Variants in TULP4 observed in about 807,000 individuals in gnomAD.
The protein encoded by TULP4 is TUB like protein 4.
A neutral mutation model predicts 129.0 loss-of-function variants in TULP4; 16 were observed. The observed-to-expected ratio is 0.12, with a 90% CI of 0.08 to 0.19. The LOEUF is 0.19. Among genes scored for constraint, TULP4 ranks in the 10% least tolerant of loss-of-function variants. TULP4 has a pLI of 1.00. For synonymous variants in TULP4, 998 were observed against 854.0 expected, an observed-to-expected ratio of 1.17 and a Z score of -2.94; for missense variants, 1,842 against 2,059.1, an observed-to-expected ratio of 0.89 and a Z score of 2.04.
intron 1 of TULP4, among the ~76,000 whole-genome samples, chr6:158,289,830 C>A (rs986482516): frequency 6.6e-6 from 1 of 152,028 alleles, no homozygotes; most frequent in South Asian, 2.1e-4. Context: ...GTCCTCCCAC[C>A]CTGGCCTCCT....
chr6:158,311,315 C>T (rs1351309670), upstream of TULP4, among the ~76,000 whole-genome samples: 1 of 152,098 alleles, frequency 6.6e-6, no homozygotes. Flanking sequence ...CTGAGAGAGT[C>T]TGCTGAATTT....
intron 1 of TULP4, chr6:158,242,359 C>T (rs1777938838): frequency 6.6e-7 from 1 of 1,515,738 alleles, no homozygotes; most frequent in Middle Eastern, 2.2e-4. Context: ...CTTTGAGCTG[C>T]AACAACTGCT....
chr6:158,376,002 C>A (rs2114895526), intron 1 of TULP4, among the ~76,000 whole-genome samples: 1 of 152,270 alleles, frequency 6.6e-6, no homozygotes, highest in South Asian at 2.1e-4. Flanking sequence ...GATTTCAGGT[C>A]AGGGAAGAGC....
chr6:158,446,134 G>C (rs1779032115), intron 3 of TULP4, among the ~76,000 whole-genome samples: 1 of 152,156 alleles, frequency 6.6e-6, no homozygotes, highest in Admixed American at 6.5e-5. Flanking sequence ...GCTCACATAA[G>C]CTTTATCCCA....
chr6:158,379,758 G>A (rs1777281887), intron 1 of TULP4, among the ~76,000 whole-genome samples: 1 of 152,186 alleles, frequency 6.6e-6, no homozygotes, highest in African/African-American at 2.4e-5. Context: ...AGGGGGACCT[G>A]GGAGACCCTA....
intron 1 of TULP4, among the ~76,000 whole-genome samples, chr6:158,405,798 A>G (rs1777966503): frequency 6.6e-6 from 1 of 152,158 alleles, no homozygotes; most frequent in African/African-American, 2.4e-5. Flanking sequence ...TGTTCCAAGA[A>G]TCTTTTACAT....
At chr6:158,379,551 G>A (rs553067285) in intron 1 of TULP4, among the ~76,000 whole-genome samples, 1 of 152,318 alleles carries the variant, frequency 6.6e-6, no homozygotes, top group East Asian at 1.9e-4. Context: ...GGGAGTGGGA[G>A]CTAGTTTCTA....
At chr6:158,455,467 T>G (rs893843715) in intron 5 of TULP4, among the ~76,000 whole-genome samples, 2 of 151,484 alleles carry the variant, frequency 1.3e-5, no homozygotes, top group Admixed American at 6.6e-5. Flanking sequence ...CGGGGTACGG[T>G]GGCTCACGCC....
chr6:158,374,769 G>A (rs911519772), intron 1 of TULP4, among the ~76,000 whole-genome samples: 3 of 152,082 alleles, frequency 2.0e-5, no homozygotes, highest in East Asian at 1.9e-4. Context: ...CTTTTCAGCC[G>A]TGAATTTACT....
chr6:158,502,210 ACCCCCGCCCCCTCTGCCGCCCCCACAGCC>A lies in TULP4; in HGVS notation c.2551_2579del (p.Pro851SerfsTer26). On this transcript the variant is annotated frameshift_variant, in exon 13 of 14. Transcript: ENST00000367097. LOFTEE classifies it high-confidence loss of function. ...TCCCCGCTGCCCCCACCACAGCAGC[ACCCCCGCCCCCTCTGCCGCCCCCACAGCC>A]CCCAGTGGATGTGTGCTTGAAGAAG... 1 of 805,674 alleles carries A rather than the reference ACCCCCGCCCCCTCTGCCGCCCCCACAGCC, an allele frequency of 1.2e-6. No individual in the cohort carries two copies. Among genetic ancestry groups the A allele is most frequent in the Non-Finnish European group, 1.7e-6 (1 of 577,912 alleles). The allele number at this position is 805,674 out of a possible 1,614,324, so 49.9% of individuals were successfully genotyped here. A position where few individuals can be genotyped will look rare whatever the true frequency, so the allele number is the denominator to read the frequency against.
chr6:158,506,488 C>T, intron 13 of TULP4, 90 bp from the exon 14 acceptor site: 2 of 865,456 alleles, frequency 2.3e-6, no homozygotes, highest in East Asian at 2.4e-5. Context: ...ACCTCGGCCT[C>T]CCAAAGTGCT....
intron 1 of TULP4, among the ~76,000 whole-genome samples, chr6:158,242,973 G>A (rs1777951809): frequency 6.6e-6 from 1 of 152,264 alleles, no homozygotes; most frequent in South Asian, 2.1e-4. Context: ...GTTTTTAGTA[G>A]AGACAGGGTT....
Position 158,501,841 on chromosome 6 carries a change from C to T in TULP4, c.2178C>T (p.Asn726=). 6.2e-7 allele frequency: 1 copy of T among 1,614,154 alleles called. No homozygotes were observed. Among genetic ancestry groups the T allele is most frequent in the Non-Finnish European group, 8.5e-7 (1 of 1,180,028 alleles). ...ATGTGCAGCTAGATGTCCTGACCAA[C>T]CAGACGACAGCTGTAGGGACAGCAG... is the stretch of plus-strand genomic sequence containing the variant. ...NQNVQLDVLT[N]QTTAVGTAEH... The change falls in exon 13 of 14, where the codon AAC becomes AAT. Residue 726 remains asparagine (N), a synonymous_variant. Transcript: ENST00000367097.
chr6:158,386,050 G>A (rs1018506927), intron 1 of TULP4, among the ~76,000 whole-genome samples: 1 of 151,654 alleles, frequency 6.6e-6, no homozygotes, highest in Non-Finnish European at 1.5e-5. Context: ...TCACTTTGTT[G>A]CTCAGGCTGA....
At chr6:158,401,363 C>T (rs925158604) in intron 1 of TULP4, among the ~76,000 whole-genome samples, 5 of 152,140 alleles carry the variant, frequency 3.3e-5, no homozygotes, top group African/African-American at 1.2e-4. Context: ...CATGAGCCAC[C>T]GCACCTGGCC....
At chr6:158,270,619 C>T (rs1778530626) in intron 1 of TULP4, among the ~76,000 whole-genome samples, 1 of 152,228 alleles carries the variant, frequency 6.6e-6, no homozygotes, top group South Asian at 2.1e-4. Context: ...CCTGGTTTGA[C>T]ACTGCACTTT....
intron 1 of TULP4, among the ~76,000 whole-genome samples, chr6:158,298,500 T>A (rs1469428452): frequency 6.6e-6 from 1 of 152,230 alleles, no homozygotes; most frequent in Admixed American, 6.5e-5. Context: ...AAATGTGCCA[T>A]GGCGATGAAG....
At chr6:158,431,221 G>A (rs189906112) in intron 3 of TULP4, among the ~76,000 whole-genome samples, 12 of 152,096 alleles carry the variant, frequency 7.9e-5, no homozygotes, top group African/African-American at 2.4e-4. Flanking sequence ...GACCTTGCCC[G>A]AGGCACCTGA....
chr6:158,449,284 C>T lies in TULP4; in HGVS notation c.724+108C>T, dbSNP rs767560056. The T allele has an allele frequency of 1.4e-5, 17 of 1,196,074 alleles. 1 individual carries two copies. Among genetic ancestry groups the T allele is most frequent in the East Asian group, 4.9e-5 (2 of 40,516 alleles). 74.1% of individuals were successfully genotyped at this position (1,196,074 alleles called of 1,614,324 possible). On this transcript the variant is annotated intron_variant, in intron 4 of 13. Coordinates refer to ENST00000367097, the MANE Select transcript of TULP4 (RefSeq NM_020245.5). ...GGAGGGTGAAGGGCCGCCACACCTACGGCACCCGGGCTTCCTGGGAAGAGT... is the reference window on the plus strand; with the variant it reads ...GGAGGGTGAAGGGCCGCCACACCTATGGCACCCGGGCTTCCTGGGAAGAGT...
Sources: allele counts gnomAD v4.1 joint callset (sites outside exome capture counted in the v4.1 genomes callset), GRCh38; gene constraint gnomAD v4.1.1; transcripts MANE v1.5; gene names NCBI Gene and HGNC (gene_info 2026-07-23, HGNC 2026-07-21).